Variants in ADGRF5 observed in about 807,000 individuals in gnomAD.
The protein encoded by ADGRF5 is adhesion G protein-coupled receptor F5.
In ADGRF5, 75 loss-of-function variants were observed where a neutral mutation model predicts 132.3. The ratio of observed to expected loss-of-function variants is 0.57; its 90% CI spans 0.47 to 0.69. The LOEUF is 0.69. Among genes scored for constraint, ADGRF5 ranks in the 30% least tolerant of loss-of-function variants. ADGRF5 has a pLI of 0.00. For missense variants in ADGRF5, 1,516 were observed against 1,630.6 expected, an observed-to-expected ratio of 0.93 and a Z score of 1.21; for synonymous variants, 629 against 597.6, an observed-to-expected ratio of 1.05 and a Z score of -0.77.
intron 20 of ADGRF5, 86 bp downstream of exon 20, chr6:46,855,888 G>C: frequency 1.3e-6 from 1 of 757,816 alleles, no homozygotes; most frequent in Non-Finnish European, 2.4e-6. Context: ...TGCCATGAGC[G>C]GGGTGAAAGA....
At chr6:46,951,237 C>A (rs548366036) in intron 1 of ADGRF5, among the ~76,000 whole-genome samples, 1 of 152,298 alleles carries the variant, frequency 6.6e-6, no homozygotes, top group East Asian at 1.9e-4. Flanking sequence ...GGCAGAAAGG[C>A]ATAGGAGCAA....
chr6:46,856,872 G>T lies in ADGRF5; in HGVS notation c.3811C>A (p.Leu1271Met), dbSNP rs199895998. 2 of 1,609,920 alleles carry T rather than the reference G, an allele frequency of 1.2e-6. No individual in the cohort carries two copies. The highest frequency in any genetic ancestry group is 1.1e-5 in the South Asian group (1 of 90,918). Residue 1271 changes from leucine to methionine, a missense_variant, in exon 18 of 21, where the codon CTG (leucine) becomes ATG (methionine). By Grantham distance (15) the Leu-to-Met change is conservative. Transcript: ENST00000283296. ...GAAACTGTCATTGCTCTTACCTTCA[G>T]ATCCCAGAGGCATCCAAAGAGTAAA... ...FILLFGCLWD[L>M]KVQEALLNKF...
rs756730154 is a variant in ADGRF5, at chr6:46,858,388, A to C, written c.3515T>G (p.Leu1172Arg). The change falls in exon 17 of 21, where the codon CTG becomes CGG. Residue 1172 changes from leucine to arginine, a missense_variant. Transcript: ENST00000283296. ...CWLNWEDTKA[L>R]LAFAIPALII... ...CAGTGCTGGGATGGCGAAAGCCAGC[A>C]GGGCCTTGGTGTCCTCCCAGTTGAG... is the stretch of plus-strand genomic sequence containing the variant. 6.2e-6 allele frequency: 10 copies of C among 1,613,994 alleles called. No individual in the cohort carries two copies. Among genetic ancestry groups the C allele is most frequent in the Non-Finnish European group, 7.6e-6 (9 of 1,179,898 alleles).
chr6:46,917,859 GC>G (rs1470527157), intron 1 of ADGRF5, among the ~76,000 whole-genome samples: 1 of 152,166 alleles, frequency 6.6e-6, no homozygotes, highest in African/African-American at 2.4e-5. Flanking sequence ...TAACAAACCT[GC>G]ACCTTGTGCA....
At chr6:46,940,789 A>G (rs1582073789) in intron 1 of ADGRF5, among the ~76,000 whole-genome samples, 1 of 152,216 alleles carries the variant, frequency 6.6e-6, no homozygotes, top group African/African-American at 2.4e-5. Flanking sequence ...ACAAAAATGA[A>G]CCAGAATATC....
chr6:46,897,368 A>T (rs113036409), intron 3 of ADGRF5, among the ~76,000 whole-genome samples: 3 of 152,198 alleles, frequency 2.0e-5, no homozygotes, highest in African/African-American at 7.2e-5. Flanking sequence ...TTTCTCCTAG[A>T]ACCTTTGTAT....
At chr6:46,910,216 T>TCC (rs1581968540) in intron 1 of ADGRF5, among the ~76,000 whole-genome samples, 1 of 152,120 alleles carries the variant, frequency 6.6e-6, no homozygotes, top group East Asian at 1.9e-4. Context: ...TTTTAGCCAA[T>TCC]GATATCCTCC....
In ADGRF5 at chr6:46,863,071, G is replaced by A. The variant is rs139946395; in HGVS notation, c.2016C>T (p.Pro672=). Residue 672 remains proline, a synonymous_variant, in exon 15 of 21, where the codon CCC becomes CCT. Transcript: ENST00000283296. ...VPGENITCQD[P]VIGVGEPGKV... is the part of the protein sequence containing the mutation. ...TCCCCGGCTCTCCGACACCTATTAC[G>A]GGATCCTGGCATGTGATGTTTTCCC... 82 of 1,613,666 alleles carry A rather than the reference G, an allele frequency of 5.1e-5. No individual in the cohort carries two copies. Among genetic ancestry groups the A allele is most frequent in the Middle Eastern group, 1.6e-4 (1 of 6,062 alleles).
chr6:46,897,433 A>C lies in ADGRF5; in HGVS notation c.157+2596T>G, dbSNP rs566998723. ...GAGGTATGTGTATGTAAAAGGGAAT[A>C]GCAATCTGAAAATCAGAGCCCAGTT... On this transcript the variant is annotated intron_variant, in intron 3 of 20. Transcript: ENST00000283296. 5.3e-5 allele frequency among the ~76,000 whole-genome samples: 8 copies of C among 152,272 alleles called. No individual in the cohort carries two copies. The South Asian group carries it at 1.7e-3, about 32-fold the overall frequency.
In ADGRF5 at chr6:46,879,789, C is replaced by T. The variant is rs995384638; in HGVS notation, c.1036+29G>A. The T allele has an allele frequency of 4.9e-6, 7 of 1,414,798 alleles. No homozygotes were observed. In the African/African-American group the frequency reaches 8.4e-5, roughly 17 times the overall value. The allele number at this position is 1,414,798 out of a possible 1,614,324, so 87.6% of individuals were successfully genotyped here. A position where few individuals can be genotyped will look rare whatever the true frequency, so the allele number is the denominator to read the frequency against. On this transcript the variant is annotated intron_variant, in intron 9 of 20. Transcript: ENST00000283296. ...TCTTTATAAGCTCTTCATTCCATTC[C>T]TCACACAAGTTACTGAATGGAGACC...
At position 46,892,209 on chromosome 6, in the gene ADGRF5, C is replaced by G. The variant is rs961036390; in HGVS notation, c.158-3704G>C. 1.3e-4 allele frequency among the ~76,000 whole-genome samples: 16 copies of G among 121,098 alleles called. No individual in the cohort carries two copies. The South Asian group carries it at 1.5e-3, about 11-fold the overall frequency. 79.4% of individuals were successfully genotyped at this position (121,098 alleles called of 152,430 possible). A position where few individuals can be genotyped will look rare whatever the true frequency, so the allele number is the denominator to read the frequency against. ...ACACACACACACACACACACACACA[C>G]AGAAAGAGAGAGAGAGATTTTGGAG... is the stretch of plus-strand genomic sequence containing the variant. On this transcript the variant is annotated intron_variant, in intron 3 of 20. Transcript: ENST00000283296.
rs1373212107 is a variant in ADGRF5 at position 46,953,651 on chromosome 6, G to GTGTA, written c.-25+1082_-25+1083insTACA. Among the ~76,000 whole-genome samples the GTGTA allele has an allele frequency of 9.8e-3, 415 of 42,178 alleles. 18 individuals are homozygous for GTGTA. The highest frequency in any genetic ancestry group is 0.036 in the Middle Eastern group (2 of 56). 27.7% of individuals were successfully genotyped at this position (42,178 alleles called of 152,430 possible). On this transcript the variant is annotated intron_variant, in intron 1 of 20. Coordinates refer to the ADGRF5 transcript ENST00000265417. ...AAATTATATATATATAGATATATGT[G>GTGTA]TATATATATATATATATATATATAT...
At chr6:46,917,804 G>T (rs1562237860) in intron 1 of ADGRF5, among the ~76,000 whole-genome samples, 1 of 152,100 alleles carries the variant, frequency 6.6e-6, no homozygotes, top group African/African-American at 2.4e-5. Flanking sequence ...TGTAAATGAG[G>T]AATTGATGGG....
intron 1 of ADGRF5, among the ~76,000 whole-genome samples, chr6:46,929,538 G>GAA (rs11343793): frequency 1.4e-5 from 2 of 142,164 alleles, no homozygotes; most frequent in Non-Finnish European, 3.0e-5. Context: ...GTAAAAAGAT[G>GAA]AAAAAAAAAA....
At chr6:46,882,370 G>A (rs1477556502) in intron 6 of ADGRF5, among the ~76,000 whole-genome samples, 3 of 152,104 alleles carry the variant, frequency 2.0e-5, no homozygotes, top group African/African-American at 7.2e-5. Flanking sequence ...GGAGGGAGCA[G>A]GGAAGACAGA....
upstream of ADGRF5, among the ~76,000 whole-genome samples, chr6:46,925,705 C>G (rs886088584): frequency 6.6e-6 from 1 of 152,178 alleles, no homozygotes; most frequent in African/African-American, 2.4e-5. Context: ...TGCTGTGAGC[C>G]AAGATTGCGC....
chr6:46,884,194 T>G lies in ADGRF5; in HGVS notation c.406A>C (p.Asn136His). The change falls in exon 5 of 21, where the codon AAT becomes CAT. Residue 136 changes from asparagine to histidine, a missense_variant. By Grantham distance (68) the Asn-to-His change is moderately conservative (BLOSUM62 1). Coordinates refer to ENST00000283296, the MANE Select transcript of ADGRF5 (RefSeq NM_001098518.2). ...ACGTCACGCTCTTGACAAATGAGAT[T>G]GTGAAGACACCTTTCCCGAGGCCAC... ...YGWPRERCLH[N>H]LICQERDVFL... The G allele has an allele frequency of 6.2e-7, 1 of 1,614,074 alleles. No individual in the cohort carries two copies.
At position 46,852,682 on chromosome 6, in the gene ADGRF5, G is replaced by A. The variant is rs1768620631; in HGVS notation, c.*1310C>T. ...ATAATTCACAAACAATCAAATCCTT[G>A]GGAAAGGCTCTGCCATTTGTTCAAC... On this transcript the variant is annotated 3_prime_UTR_variant, in exon 21 of 21. Transcript: ENST00000283296. 1 of 152,050 alleles carries A rather than the reference G, an allele frequency of 6.6e-6. No individual in the cohort carries two copies. The highest frequency in any genetic ancestry group is 2.1e-4 in the South Asian group (1 of 4,822). 9.4% of individuals were successfully genotyped at this position (152,050 alleles called of 1,614,324 possible).
At chr6:46,953,685 A>ATATATATATATATATATATATC (rs1326327311) in intron 1 of ADGRF5, among the ~76,000 whole-genome samples, 16 of 126,948 alleles carry the variant, frequency 1.3e-4, no homozygotes, top group African/African-American at 4.3e-4. Flanking sequence ...ATATATATAT[A>ATATATATATATATATATATATC]TATATCTCAC....
Sources: gnomAD v4.1 joint callset for allele counts (sites outside exome capture counted in the v4.1 genomes callset) on GRCh38, gnomAD v4.1.1 for gene constraint, MANE v1.5 for transcripts, NCBI Gene and HGNC (gene_info 2026-07-23, HGNC 2026-07-21) for gene names.